ENTPD6: variants seen among roughly 807,000 people sequenced by gnomAD.
ENTPD6 encodes the protein ectonucleoside triphosphate diphosphohydrolase 6, also known as CD39 antigen-like 2.
Under a neutral mutation model 61.5 loss-of-function variants are expected in ENTPD6, and 46 were observed. The observed-to-expected ratio is 0.75, with a 90% CI of 0.59 to 0.96. The LOEUF is 0.96. Among genes scored for constraint, ENTPD6 ranks in the 40% least tolerant of loss-of-function variants. The pLI, the probability that ENTPD6 is intolerant of heterozygous loss-of-function variation, is 0.00. For missense variants in ENTPD6, 612 were observed against 629.0 expected, an observed-to-expected ratio of 0.97 and a Z score of 0.29; for synonymous variants, 252 against 255.5, an observed-to-expected ratio of 0.99 and a Z score of 0.13.
In ENTPD6 at chr20:25,207,055, C is replaced by T. The variant is rs1383357700; in HGVS notation, c.55-21C>T. The T allele has an allele frequency of 4.4e-6, 7 of 1,581,336 alleles. No homozygotes were observed. In the African/African-American group the frequency reaches 5.4e-5, roughly 12 times the overall value. ...CTAGCACCCTAACGTGCTTTTCCTG[C>T]CTCTCCCCCCTTCCCACCAGCAGCC... On this transcript the variant is annotated intron_variant, in intron 2 of 14. Transcript: ENST00000376652.
At chr20:25,195,992 C>G in intron 1 of ENTPD6, 125 bp downstream of exon 1, 1 of 866,572 alleles carries the variant, frequency 1.2e-6, no homozygotes, top group Non-Finnish European at 1.5e-6. Context: ...CCGGGTCCCA[C>G]CTCCTGCTGC....
At chr20:25,215,058 C>T (rs2092239458) in intron 6 of ENTPD6, 116 bp downstream of exon 6, 3 of 680,134 alleles carry the variant, frequency 4.4e-6, no homozygotes, top group African/African-American at 1.8e-5. Flanking sequence ...AGCCTCCTCC[C>T]CCGTCCGATG....
intron 8 of ENTPD6, 83 bp from the exon 9 acceptor site, chr20:25,217,419 T>A: frequency 7.4e-7 from 1 of 1,346,694 alleles, no homozygotes; most frequent in Admixed American, 1.7e-5. Context: ...GACCATCCCC[T>A]TTCTTTCAAA....
chr20:25,202,569 A>G (rs1229032019), intron 1 of ENTPD6, among the ~76,000 whole-genome samples: 4 of 152,186 alleles, frequency 2.6e-5, no homozygotes, highest in Non-Finnish European at 5.9e-5. Context: ...TTGTGGTTAC[A>G]ACCATAGGGA....
In ENTPD6 at chr20:25,227,348, G is replaced by T. The variant is rs973285836; in HGVS notation, c.*1751G>T. ...CCAGCTTAAATATTTAAAGAACTCC[G>T]GAGGCTGAGAATCAGACGCATGAAG... On this transcript the variant is annotated 3_prime_UTR_variant, in exon 15 of 15. Transcript: ENST00000376652. Among the ~76,000 whole-genome samples, 3 of 152,180 alleles carry T rather than the reference G, an allele frequency of 2.0e-5. No individual in the cohort carries two copies. The highest frequency in any genetic ancestry group is 4.4e-5 in the Non-Finnish European group (3 of 68,048).
At position 25,214,911 on chromosome 20, in the gene ENTPD6, CTG is replaced by C. The variant is rs755456736; in HGVS notation, c.646_647del (p.Val216PhefsTer8). The C allele has an allele frequency of 5.0e-6, 8 of 1,609,166 alleles. No individual in the cohort carries two copies. The South Asian group carries it at 8.8e-5, about 18-fold the overall frequency. ...CATCGCCTTTCCTTGTAGGGGATGA[CTG>C]TGTTTCCATCATGAACGGAACAGAT... is the stretch of plus-strand genomic sequence containing the variant. ...KASPFLVGDD[C>X]VSIMNGTDEG... is the part of the protein sequence containing the mutation. On this transcript the variant is annotated frameshift_variant, in exon 6 of 15. Transcript: ENST00000376652. LOFTEE classifies it high-confidence loss of function.
intron 4 of ENTPD6, 57 bp from the exon 5 acceptor site, chr20:25,213,206 G>A (rs919791159): frequency 1.2e-5 from 20 of 1,606,976 alleles, no homozygotes; most frequent in Middle Eastern, 1.7e-4. Context: ...GAAGCAGCAC[G>A]TGTGACCCTG....
intron 12 of ENTPD6, among the ~76,000 whole-genome samples, chr20:25,223,527 G>C (rs766193160): frequency 2.0e-5 from 3 of 152,124 alleles, no homozygotes; most frequent in Non-Finnish European, 4.4e-5. Flanking sequence ...CCTGTGGTAC[G>C]GATAAGAACA....
intron 3 of ENTPD6, among the ~76,000 whole-genome samples, chr20:25,208,165 C>T (rs968500625): frequency 1.3e-5 from 2 of 152,206 alleles, no homozygotes; most frequent in Non-Finnish European, 2.9e-5. Flanking sequence ...TGGCATTGCA[C>T]GGTTCTGCTG....
intron 12 of ENTPD6, 49 bp downstream of exon 12, chr20:25,223,027 C>CGGGGGGGGG: frequency 2.7e-5 from 13 of 490,234 alleles, no homozygotes; most frequent in Non-Finnish European, 3.9e-5. Context: ...CGGCAGGGGG[C>CGGGGGGGGG]GGGGGTGGAG....
chr20:25,207,538 C>A (rs964275780), intron 3 of ENTPD6, 141 bp downstream of exon 3: 1 of 744,588 alleles, frequency 1.3e-6, no homozygotes, highest in Non-Finnish European at 2.0e-6. Context: ...GGCTGGGGTC[C>A]AAGCATCTGA....
Position 25,206,587 on chromosome 20 carries a change from T to C in ENTPD6, c.51T>C (p.Phe17=), listed in dbSNP as rs1405173921. 1 of 1,612,332 alleles carries C rather than the reference T, an allele frequency of 6.2e-7. No homozygotes were observed. The highest frequency in any genetic ancestry group is 8.5e-7 in the Non-Finnish European group (1 of 1,178,402). Residue 17 remains phenylalanine, a synonymous_variant, in exon 2 of 15, where the codon TTT becomes TTC. Transcript: ENST00000376652. ...CTTCCAGAAAAACGAGCTACATTTT[T>C]CAGGTTTGTCTGGGGCTCTCAGTAG... The part of the protein sequence containing the change: ...YETSRKTSYI[F]QQPQHGPWQT...
intron 9 of ENTPD6, among the ~76,000 whole-genome samples, chr20:25,218,035 ACG>A (rs2092429924): frequency 6.9e-6 from 1 of 144,924 alleles, no homozygotes; most frequent in Non-Finnish European, 1.5e-5. Context: ...TCTACAGTAT[ACG>A]CACATTCACC....
intron 7 of ENTPD6, 90 bp from the exon 8 acceptor site, chr20:25,216,557 TC>T: frequency 1.1e-6 from 1 of 870,622 alleles, no homozygotes. Flanking sequence ...GTCTTTTCTT[TC>T]CCCTGAGGGC....
At chr20:25,218,411 T>G in intron 9 of ENTPD6, 139 bp from the exon 10 acceptor site, 1 of 728,362 alleles carries the variant, frequency 1.4e-6, no homozygotes, top group Non-Finnish European at 2.4e-6. Flanking sequence ...AGAAACAGGC[T>G]TTTAGAAGGA....
At position 25,207,405 on chromosome 20, in the gene ENTPD6, C is replaced by T; in HGVS notation, c.376+8C>T. On this transcript the variant is annotated splice_region_variant and intron_variant, in intron 3 of 14. Coordinates refer to ENST00000376652, the MANE Select transcript of ENTPD6 (RefSeq NM_001247.5). ...TCACCCGGCCCCCCAGAGGTACCCG[C>T]CTCTCATGGCAGGGCTCTCGGGATC... The T allele has an allele frequency of 6.6e-7, 1 of 1,519,526 alleles. No homozygotes were observed. The highest frequency in any genetic ancestry group is 8.8e-7 in the Non-Finnish European group (1 of 1,131,778). The allele number at this position is 1,519,526 out of a possible 1,614,324, so 94.1% of individuals were successfully genotyped here. A position where few individuals can be genotyped will look rare whatever the true frequency, so the allele number is the denominator to read the frequency against.
intron 1 of ENTPD6, among the ~76,000 whole-genome samples, chr20:25,201,511 A>C (rs2091031235): frequency 6.6e-6 from 1 of 152,144 alleles, no homozygotes; most frequent in African/African-American, 2.4e-5. Flanking sequence ...TCATGATATA[A>C]TGTACTTCTT....
At chr20:25,196,703 G>T (rs1463194162) in intron 1 of ENTPD6, among the ~76,000 whole-genome samples, 1 of 152,180 alleles carries the variant, frequency 6.6e-6, no homozygotes, top group Non-Finnish European at 1.5e-5. Flanking sequence ...CTGAAACCTC[G>T]CGCAGGAGTT....
intron 12 of ENTPD6, 39 bp downstream of exon 12, chr20:25,223,017 C>A: frequency 8.9e-6 from 5 of 559,448 alleles, no homozygotes; most frequent in South Asian, 1.9e-5. Flanking sequence ...AAGGTCGGGG[C>A]GGCAGGGGGC....
Sources: gnomAD v4.1 joint callset for allele counts (sites outside exome capture counted in the v4.1 genomes callset) on GRCh38, gnomAD v4.1.1 for gene constraint, MANE v1.5 for transcripts, NCBI Gene and HGNC (gene_info 2026-07-23, HGNC 2026-07-21) for gene names.